ARHGEF3: variants seen among roughly 807,000 people sequenced by gnomAD.
ARHGEF3 encodes Rho guanine nucleotide exchange factor 3.
A neutral mutation model predicts 63.2 loss-of-function variants in ARHGEF3; 28 were observed. That is an observed-to-expected ratio of 0.44 (90% CI 0.33 to 0.61). The LOEUF (loss-of-function observed/expected upper bound fraction) is 0.61, where lower values mean the gene tolerates loss of function less well. ARHGEF3 is among the 20% of genes least tolerant of loss of function. The probability of loss-of-function intolerance (pLI) is 0.03; values close to 1 mark genes in which losing one functional copy is unlikely to be tolerated. For missense variants in ARHGEF3, 533 were observed against 659.3 expected, an observed-to-expected ratio of 0.81 and a Z score of 2.10; for synonymous variants, 266 against 254.2, an observed-to-expected ratio of 1.05 and a Z score of -0.44.
At chr3:56,985,999 C>G (rs565680674) in intron 2 of ARHGEF3, among the ~76,000 whole-genome samples, 14 of 152,318 alleles carry the variant, frequency 9.2e-5, no homozygotes, top group African/African-American at 3.4e-4. Context: ...AGCCAGGCCT[C>G]AGAAACTTAC....
chr3:57,021,589 C>T (rs1290622171), intron 2 of ARHGEF3, among the ~76,000 whole-genome samples: 1 of 151,934 alleles, frequency 6.6e-6, no homozygotes, highest in East Asian at 1.9e-4. Context: ...CCCATCTCTA[C>T]TAAAATACAA....
intron 4 of ARHGEF3, among the ~76,000 whole-genome samples, chr3:56,815,580 A>G (rs886388487): frequency 3.9e-5 from 6 of 152,246 alleles, no homozygotes; most frequent in African/African-American, 1.4e-4. Flanking sequence ...AAAGCAAACA[A>G]GAGGTTGAAA....
intron 2 of ARHGEF3, among the ~76,000 whole-genome samples, chr3:56,967,122 G>C (rs7374340): frequency 5.5e-5 from 8 of 146,224 alleles, no homozygotes; most frequent in Non-Finnish European, 1.0e-4. Context: ...CTCGGCCTCC[G>C]AAAGTGCTGG....
In ARHGEF3 at chr3:56,745,317, C is replaced by T; in HGVS notation, c.758G>A (p.Trp253Ter). ...ESPFSRKLDLWNFLDIPRSRL... is the reference protein window; with the variant it reads ...ESPFSRKLDL ...GCTTCTTGGAATATCGAGGAAATTCCAGAGATCTAGTTTGCGGCTAAAGGG... is the reference window on the plus strand; with the variant it reads ...GCTTCTTGGAATATCGAGGAAATTCTAGAGATCTAGTTTGCGGCTAAAGGG... The change falls in exon 7 of 10, where the codon TGG becomes TAG. Residue 253 changes from tryptophan to a stop codon, truncating the protein, a stop_gained. Coordinates refer to ENST00000296315, the MANE Select transcript of ARHGEF3 (RefSeq NM_019555.3). LOFTEE classifies it high-confidence loss of function. 6.2e-7 allele frequency: 1 copy of T among 1,613,950 alleles called. No homozygotes were observed. Among genetic ancestry groups the T allele is most frequent in the Non-Finnish European group, 8.5e-7 (1 of 1,180,016 alleles).
At chr3:56,775,644 G>A in intron 1 of ARHGEF3, 1 of 985,728 alleles carries the variant, frequency 1.0e-6, no homozygotes, top group Non-Finnish European at 1.2e-6. Flanking sequence ...GGAAAGATCT[G>A]ACAGCTCTTC....
rs554984559 is a variant in ARHGEF3, at chr3:56,782,901, G to A, written c.97-9085C>T. Among the ~76,000 whole-genome samples the A allele has an allele frequency of 2.2e-4, 33 of 152,236 alleles. 1 individual carries two copies. In the South Asian group the frequency reaches 6.4e-3, roughly 30 times the overall value. ...CCACAAATTAAACCATCAACTCTCA[G>A]GTACATAAAACTGAACATATTAATG... On this transcript the variant is annotated intron_variant, in intron 1 of 9. Transcript: ENST00000296315.
intron 1 of ARHGEF3, among the ~76,000 whole-genome samples, chr3:57,042,653 T>A (rs972369987): frequency 8.9e-4 from 7 of 7,880 alleles, no homozygotes; most frequent in Admixed American, 2.7e-3. Context: ...TGTACATAAA[T>A]ATATATATAT....
chr3:56,927,088 G>T (rs2042295069), intron 3 of ARHGEF3, among the ~76,000 whole-genome samples: 1 of 152,212 alleles, frequency 6.6e-6, no homozygotes, highest in Non-Finnish European at 1.5e-5. Context: ...CAGATAACCT[G>T]GGTTCAAATC....
intron 3 of ARHGEF3, among the ~76,000 whole-genome samples, chr3:56,893,135 C>T (rs1385446985): frequency 6.6e-6 from 1 of 152,210 alleles, no homozygotes; most frequent in Non-Finnish European, 1.5e-5. Flanking sequence ...ATTGTATATT[C>T]TGGCTGCTTA....
At chr3:56,783,863 A>G (rs2036672925) in intron 1 of ARHGEF3, among the ~76,000 whole-genome samples, 1 of 152,210 alleles carries the variant, frequency 6.6e-6, no homozygotes, top group South Asian at 2.1e-4. Flanking sequence ...TACTGGTTAA[A>G]TTGGCCCAAG....
intron 2 of ARHGEF3, 45 bp from the exon 3 acceptor site, chr3:56,755,196 C>A (rs1290755983): frequency 1.9e-6 from 3 of 1,589,506 alleles, no homozygotes; most frequent in Non-Finnish European, 2.6e-6. Flanking sequence ...AGCGGCAGGA[C>A]TGGGTGGATC....
intron 2 of ARHGEF3, chr3:57,007,378 C>A: frequency 7.8e-7 from 1 of 1,286,154 alleles, no homozygotes; most frequent in Admixed American, 2.3e-5. Context: ...ACTGCACGTG[C>A]CTTCTGCTGA....
intron 1 of ARHGEF3, chr3:57,073,246 C>CT (rs1013294463): frequency 2.1e-4 from 31 of 148,990 alleles, no homozygotes; most frequent in African/African-American, 3.0e-4. Context: ...TTATTTTTTA[C>CT]TTTTTTTTTT....
chr3:56,953,075 C>G (rs1422031718), intron 3 of ARHGEF3, among the ~76,000 whole-genome samples: 3 of 152,144 alleles, frequency 2.0e-5, no homozygotes, highest in Non-Finnish European at 4.4e-5. Flanking sequence ...ATCTACCAGG[C>G]GGGACTGCCA....
At chr3:56,985,889 G>A (rs1024710080) in intron 2 of ARHGEF3, among the ~76,000 whole-genome samples, 7 of 152,310 alleles carry the variant, frequency 4.6e-5, no homozygotes, top group South Asian at 4.1e-4. Context: ...ATGTGATGCC[G>A]CCTGGCTGGA....
chr3:57,020,936 T>C (rs558937285), intron 2 of ARHGEF3, among the ~76,000 whole-genome samples: 2 of 152,356 alleles, frequency 1.3e-5, no homozygotes, highest in South Asian at 4.1e-4. Flanking sequence ...CAGCAGCATT[T>C]TGCAGATAAT....
rs77989224 is a variant in ARHGEF3, at chr3:57,011,258, T to C, written c.62+23830A>G. ...CCTGGAACTTACAGGAACATGATGGTGCTAAGCACATGATCTAAAACAACG... is the reference window on the plus strand; with the variant it reads ...CCTGGAACTTACAGGAACATGATGGCGCTAAGCACATGATCTAAAACAACG... On this transcript the variant is annotated intron_variant, in intron 2 of 12. Coordinates refer to the ARHGEF3 transcript ENST00000338458. 2.6e-5 allele frequency among the ~76,000 whole-genome samples: 4 copies of C among 152,284 alleles called. No individual in the cohort carries two copies. In the East Asian group the frequency reaches 7.7e-4, roughly 29 times the overall value.
chr3:56,814,316 CTCA>C (rs2038183848), intron 4 of ARHGEF3, among the ~76,000 whole-genome samples: 1 of 151,994 alleles, frequency 6.6e-6, no homozygotes, highest in South Asian at 2.1e-4. Flanking sequence ...TTTTTTTAAG[CTCA>C]TCAGCTATTG....
At chr3:56,957,364 C>T (rs1032791574) in intron 3 of ARHGEF3, among the ~76,000 whole-genome samples, 1 of 152,126 alleles carries the variant, frequency 6.6e-6, no homozygotes, top group African/African-American at 2.4e-5. Flanking sequence ...ATTAAAAAGA[C>T]TAAAGACCTG....
Sources: allele counts gnomAD v4.1 joint callset (sites outside exome capture counted in the v4.1 genomes callset), GRCh38; gene constraint gnomAD v4.1.1; transcripts MANE v1.5; gene names NCBI Gene and HGNC (gene_info 2026-07-23, HGNC 2026-07-21).